The following MAP3K4 variants were observed in gnomAD, a reference collection of about 807,000 sequenced individuals.
The protein encoded by MAP3K4 is MAP three kinase 1.
In MAP3K4, 67 loss-of-function variants were observed where a neutral mutation model predicts 185.6. The observed-to-expected ratio is 0.36, with a 90% CI of 0.30 to 0.44. The LOEUF (loss-of-function observed/expected upper bound fraction) is 0.44. Ranked by LOEUF, MAP3K4 falls within the 20% of genes least tolerant of loss-of-function variation. MAP3K4 has a pLI of 1.00. For synonymous variants in MAP3K4, 702 were observed against 710.4 expected (o/e 0.99, Z 0.19); for missense variants, 1,551 against 1,995.1 (o/e 0.78, Z 4.24).
Position 161,076,837 on chromosome 6 carries a change from C to T in MAP3K4, c.2097+3225C>T, listed in dbSNP as rs1310438856. ...CACTGTGTGCCAGGCAGGCACCATG[C>T]GGGGACCAAGGAACTAGTGCCGAGC... is the stretch of plus-strand genomic sequence containing the variant. On this transcript the variant is annotated intron_variant, in intron 5 of 26. Transcript: ENST00000392142. This position sits in a 1 kb window ranked among gnomAD's most constrained non-coding sequence, Gnocchi z 4.2. Among the ~76,000 whole-genome samples the T allele has an allele frequency of 6.6e-6, 1 of 152,096 alleles. No homozygotes were observed. The highest frequency in any genetic ancestry group is 2.1e-4 in the South Asian group (1 of 4,830).
chr6:161,026,346 A>T (rs1157127749), intron 1 of MAP3K4, among the ~76,000 whole-genome samples: 5 of 151,936 alleles, frequency 3.3e-5, no homozygotes, highest in African/African-American at 1.2e-4. Context: ...CATGTTAGCC[A>T]GGATGGTCTT....
At chr6:161,099,251 C>T (rs1462865248) in intron 17 of MAP3K4, among the ~76,000 whole-genome samples, 6 of 152,190 alleles carry the variant, frequency 3.9e-5, no homozygotes, top group African/African-American at 1.2e-4. Context: ...GCTCTGTGTT[C>T]AGCCCCGAGG....
chr6:161,104,057 A>T (rs115584402), intron 19 of MAP3K4, among the ~76,000 whole-genome samples: 4,882 of 152,268 alleles, frequency 0.032, 256 homozygotes, highest in African/African-American at 0.11. Flanking sequence ...TTTGTGGTCA[A>T]GTAAACTTGG....
chr6:161,007,334 G>T lies in MAP3K4; in HGVS notation c.152+15251G>T, dbSNP rs1025662806. ...CACTATTGAGGAATGTCTTGAAGAG[G>T]AGGGAGAAACTTAGGGTTTTATAAA... On this transcript the variant is annotated intron_variant, in intron 1 of 26. Transcript: ENST00000392142. The surrounding 1 kb of genome is among the most constrained non-coding windows in gnomAD (Gnocchi z 4.5). 6.6e-6 allele frequency among the ~76,000 whole-genome samples: 1 copy of T among 152,206 alleles called. No homozygotes were observed. Among genetic ancestry groups the T allele is most frequent in the African/African-American group, 2.4e-5 (1 of 41,440 alleles).
intron 1 of MAP3K4, among the ~76,000 whole-genome samples, chr6:161,029,205 G>A (rs981831703): frequency 2.0e-5 from 3 of 151,688 alleles, no homozygotes; most frequent in South Asian, 4.2e-4. Flanking sequence ...CATTTATTTC[G>A]AAGGATGTCG....
chr6:161,034,367 C>T lies in MAP3K4; in HGVS notation c.261C>T (p.Ser87=). 1 of 1,613,894 alleles carries T rather than the reference C, an allele frequency of 6.2e-7. No individual in the cohort carries two copies. Among genetic ancestry groups the T allele is most frequent in the Non-Finnish European group, 8.5e-7 (1 of 1,179,868 alleles). ...ATCTTTATGGTACCTCTCCCCCCAG[C>T]ACACCTCGACAGATGAAACGCATGT... ...TENLYGTSPP[S]TPRQMKRMST... is the part of the protein sequence containing the mutation. Residue 87 remains serine, a synonymous_variant, in exon 2 of 27, where the codon AGC becomes AGT. Transcript: ENST00000392142. The surrounding 1 kb of genome is among the most constrained non-coding windows in gnomAD (Gnocchi z 4.4).
At chr6:161,068,695 G>A (rs980340869) in intron 3 of MAP3K4, among the ~76,000 whole-genome samples, 4 of 152,158 alleles carry the variant, frequency 2.6e-5, no homozygotes, top group African/African-American at 9.7e-5. Flanking sequence ...AGAGGAGAAG[G>A]TGGATTTAAG....
In MAP3K4 at chr6:161,112,605, T is replaced by A. The variant is rs1778404351; in HGVS notation, c.4520-63T>A. ...GTACAATATTAATTTATTGCTTGGC[T>A]CTATTAATACATGTTGATGTGTTTA... On this transcript the variant is annotated intron_variant, in intron 24 of 26. Transcript: ENST00000392142. The surrounding 1 kb of genome is among the most constrained non-coding windows in gnomAD (Gnocchi z 5.1). 2.1e-6 allele frequency: 2 copies of A among 953,934 alleles called. No homozygotes were observed. Among genetic ancestry groups the A allele is most frequent in the South Asian group, 3.3e-5 (1 of 30,136 alleles). The allele number at this position is 953,934 out of a possible 1,614,324, so 59.1% of individuals were successfully genotyped here. A position where few individuals can be genotyped will look rare whatever the true frequency, so the allele number is the denominator to read the frequency against.
At chr6:161,104,083 A>G (rs1297157371) in intron 19 of MAP3K4, among the ~76,000 whole-genome samples, 1 of 152,162 alleles carries the variant, frequency 6.6e-6, no homozygotes, top group African/African-American at 2.4e-5. Flanking sequence ...ACTTGGAATT[A>G]TGTTTCTCTT....
chr6:161,069,843 A>C (rs944810800), intron 3 of MAP3K4, among the ~76,000 whole-genome samples: 41 of 152,040 alleles, frequency 2.7e-4, no homozygotes, highest in Non-Finnish European at 4.9e-4. Context: ...GTGGGTGAGG[A>C]CCAAAGGGAG....
intron 3 of MAP3K4, among the ~76,000 whole-genome samples, chr6:161,065,063 C>T (rs1311815867): frequency 6.6e-6 from 1 of 152,132 alleles, no homozygotes; most frequent in African/African-American, 2.4e-5. Context: ...GGGTCAGGGC[C>T]AGTGAACCAG....
chr6:161,043,000 ATATG>A (rs1228525507), intron 2 of MAP3K4, among the ~76,000 whole-genome samples: 2 of 152,046 alleles, frequency 1.3e-5, no homozygotes, highest in Non-Finnish European at 1.5e-5. Flanking sequence ...GTGCCTATAT[ATATG>A]TGTGTGTAAA....
At chr6:161,005,304 A>G (rs956976413) in intron 1 of MAP3K4, among the ~76,000 whole-genome samples, 2 of 151,774 alleles carry the variant, frequency 1.3e-5, no homozygotes, top group Non-Finnish European at 2.9e-5. Flanking sequence ...ATGCGTGGCT[A>G]GTTTTTTAAG....
In MAP3K4 at chr6:161,110,259, A is replaced by G. The variant is rs368243946; in HGVS notation, c.4396+345A>G. On this transcript the variant is annotated intron_variant, in intron 23 of 26. Transcript: ENST00000392142. This position sits in a 1 kb window ranked among gnomAD's most constrained non-coding sequence, Gnocchi z 4.8. ...TTCTCTCGTGTCAGGATTCTTGTCT[A>G]TTTATATATGAAAATCATGAATATG... Among the ~76,000 whole-genome samples, 1 of 152,128 alleles carries G rather than the reference A, an allele frequency of 6.6e-6. No individual in the cohort carries two copies. Among genetic ancestry groups the G allele is most frequent in the South Asian group, 2.1e-4 (1 of 4,830 alleles).
intron 3 of MAP3K4, among the ~76,000 whole-genome samples, chr6:161,052,724 G>A (rs183912435): frequency 2.6e-4 from 40 of 152,152 alleles, no homozygotes; most frequent in African/African-American, 8.4e-4. Flanking sequence ...TATAAAGGGA[G>A]GCGTGTGTGT....
rs1783990398 is a variant in MAP3K4 at position 161,051,247 on chromosome 6, C to A, written c.1707+1268C>A. 6.6e-6 allele frequency among the ~76,000 whole-genome samples: 1 copy of A among 151,878 alleles called. No homozygotes were observed. Among genetic ancestry groups the A allele is most frequent in the African/African-American group, 2.4e-5 (1 of 41,334 alleles). On this transcript the variant is annotated intron_variant, in intron 3 of 26. Coordinates refer to ENST00000392142, the MANE Select transcript of MAP3K4 (RefSeq NM_005922.4). The surrounding 1 kb of genome is among the most constrained non-coding windows in gnomAD (Gnocchi z 4.2). ...CTTGTTATTTTTATTTTTTTAACTT[C>A]ATTTTTTTTTTACACAGCCTGGCTT...
chr6:161,045,688 G>T (rs991223383), intron 2 of MAP3K4, among the ~76,000 whole-genome samples: 1 of 152,036 alleles, frequency 6.6e-6, no homozygotes, highest in African/African-American at 2.4e-5. Flanking sequence ...AATTATATAA[G>T]AAAAGTAATA....
intron 1 of MAP3K4, among the ~76,000 whole-genome samples, chr6:160,999,846 A>G (rs1322733168): frequency 6.6e-6 from 1 of 152,226 alleles, no homozygotes; most frequent in African/African-American, 2.4e-5. Flanking sequence ...AACGAGATGA[A>G]AGATTTGTTT....
intron 15 of MAP3K4, among the ~76,000 whole-genome samples, chr6:161,095,222 G>C (rs1369959484): frequency 6.6e-6 from 1 of 152,064 alleles, no homozygotes; most frequent in Admixed American, 6.5e-5. Context: ...CTGAACTGTC[G>C]GGGGCCTGGA....
Sources: gnomAD v4.1 joint callset for allele counts (sites outside exome capture counted in the v4.1 genomes callset) on GRCh38, gnomAD v4.1.1 for gene constraint, Gnocchi (gnomAD v3.1) non-coding constraint, MANE v1.5 for transcripts, NCBI Gene and HGNC (gene_info 2026-07-23, HGNC 2026-07-21) for gene names.